The following PRKG1 variants were observed in gnomAD, a reference collection of about 807,000 sequenced individuals.
The protein encoded by PRKG1 is cGMP-dependent protein kinase 1.
A neutral mutation model predicts 88.1 loss-of-function variants in PRKG1; 35 were observed. The ratio of observed to expected loss-of-function variants is 0.40; its 90% CI spans 0.30 to 0.53. The LOEUF is 0.53. Among genes scored for constraint, PRKG1 ranks in the 20% least tolerant of loss-of-function variants. The probability of loss-of-function intolerance (pLI) is 0.59; values close to 1 mark genes in which losing one functional copy is unlikely to be tolerated. For synonymous variants in PRKG1, 303 were observed against 292.5 expected (o/e 1.04, Z -0.37); for missense variants, 540 against 839.8 (o/e 0.64, Z 4.41).
chr10:51,203,019 A>G (rs963821108), intron 2 of PRKG1, among the ~76,000 whole-genome samples: 2 of 152,140 alleles, frequency 1.3e-5, no homozygotes, highest in African/African-American at 4.8e-5. Context: ...AATGATGTCA[A>G]CGGGGTGAGA....
chr10:52,178,451 G>T (rs1295639553), intron 9 of PRKG1, among the ~76,000 whole-genome samples: 1 of 152,016 alleles, frequency 6.6e-6, no homozygotes, highest in Non-Finnish European at 1.5e-5. Flanking sequence ...ATATACTGAT[G>T]AAAAGAATAG....
At chr10:51,034,210 T>C (rs958102941) in intron 1 of PRKG1, among the ~76,000 whole-genome samples, 1 of 152,182 alleles carries the variant, frequency 6.6e-6, no homozygotes, top group Non-Finnish European at 1.5e-5. Flanking sequence ...TATACTTTAA[T>C]TGCTTTTTCA....
intron 3 of PRKG1, among the ~76,000 whole-genome samples, chr10:51,569,376 G>A (rs937053512): frequency 7.9e-5 from 12 of 152,014 alleles, no homozygotes; most frequent in African/African-American, 2.9e-4. Context: ...AAACATAGGA[G>A]AAAGGATGCT....
chr10:51,849,091 C>A (rs950095277), intron 4 of PRKG1, among the ~76,000 whole-genome samples: 1 of 152,070 alleles, frequency 6.6e-6, no homozygotes, highest in Non-Finnish European at 1.5e-5. Flanking sequence ...CTAAAAATAT[C>A]TATTTTCTGC....
At chr10:51,633,421 C>T (rs1033618897) in intron 3 of PRKG1, among the ~76,000 whole-genome samples, 1 of 151,828 alleles carries the variant, frequency 6.6e-6, no homozygotes, top group Non-Finnish European at 1.5e-5. Context: ...ATTGCAAACT[C>T]AAAAGCACAT....
In PRKG1 at chr10:52,293,814, A is replaced by G; in HGVS notation, c.1975A>G (p.Thr659Ala). The G allele has an allele frequency of 6.2e-7, 1 of 1,613,188 alleles. No homozygotes were observed. Among genetic ancestry groups the G allele is most frequent in the Non-Finnish European group, 8.5e-7 (1 of 1,179,298 alleles). Residue 659 changes from threonine to alanine, a missense_variant, in exon 18 of 18, where the codon ACA (threonine) becomes GCA (alanine). Physicochemically the swap from Thr to Ala is moderately conservative, Grantham distance 58. This residue lies in a region of PRKG1 where 97 missense variants were observed against 210.6 expected (regional missense o/e 0.46). Transcript: ENST00000373980. The part of the protein sequence containing the change: ...PPIIPSVASP[T>A]DTSNFDSFPE... Reference sequence around the variant, plus strand: ...CCATTTTTTACAGGTTGCATCACCCACAGACACAAGTAATTTTGACAGTTT... The same window carrying G: ...CCATTTTTTACAGGTTGCATCACCCGCAGACACAAGTAATTTTGACAGTTT...
rs79324419 is a variant in PRKG1, at chr10:51,171,995, A to G, written c.478+18665A>G. ...ATGTATCTTCATTACTAATGAAGAAAAAGTGTAGCATTTCAATTACCTTTT... is the reference window on the plus strand; with the variant it reads ...ATGTATCTTCATTACTAATGAAGAAGAAGTGTAGCATTTCAATTACCTTTT... On this transcript the variant is annotated intron_variant, in intron 2 of 17. Coordinates refer to ENST00000373980, the MANE Select transcript of PRKG1 (RefSeq NM_006258.4). Among the ~76,000 whole-genome samples the G allele has an allele frequency of 2.6e-5, 3 of 116,832 alleles. No individual in the cohort carries two copies. The East Asian group carries it at 7.5e-4, about 29-fold the overall frequency. The allele number at this position is 116,832 out of a possible 152,430, so 76.6% of individuals were successfully genotyped here. A position where few individuals can be genotyped will look rare whatever the true frequency, so the allele number is the denominator to read the frequency against.
chr10:52,181,378 T>C (rs1839020782), intron 9 of PRKG1, among the ~76,000 whole-genome samples: 1 of 150,758 alleles, frequency 6.6e-6, no homozygotes, highest in Non-Finnish European at 1.5e-5. Context: ...TGAGACTGGG[T>C]AATTTATAAT....
intron 3 of PRKG1, among the ~76,000 whole-genome samples, chr10:51,659,626 G>A (rs1047133275): frequency 6.6e-6 from 1 of 152,106 alleles, no homozygotes; most frequent in Non-Finnish European, 1.5e-5. Flanking sequence ...AGATGAAGCT[G>A]TAGCAGTGAA....
intron 3 of PRKG1, among the ~76,000 whole-genome samples, chr10:51,532,016 C>G (rs984732442): frequency 1.3e-5 from 2 of 151,928 alleles, no homozygotes; most frequent in Non-Finnish European, 2.9e-5. Context: ...AAAGAATGTA[C>G]TTTTACAAAA....
intron 7 of PRKG1, 69 bp from the exon 8 acceptor site, chr10:52,133,771 T>C: frequency 7.6e-7 from 1 of 1,313,880 alleles, no homozygotes; most frequent in Non-Finnish European, 1.1e-6. Flanking sequence ...TTTCCTGAAT[T>C]AATCACAATG....
At chr10:51,697,681 A>G (rs1327257425) in intron 3 of PRKG1, 1 of 1,612,116 alleles carries the variant, frequency 6.2e-7, no homozygotes, top group Non-Finnish European at 8.5e-7. Flanking sequence ...ACTACAGCCA[A>G]ATATTTTCTA....
At chr10:52,097,184 G>T (rs537945036) in intron 7 of PRKG1, among the ~76,000 whole-genome samples, 1 of 152,144 alleles carries the variant, frequency 6.6e-6, no homozygotes, top group African/African-American at 2.4e-5. Flanking sequence ...TCCCACTCTA[G>T]GCAGAAAATA....
intron 5 of PRKG1, among the ~76,000 whole-genome samples, chr10:52,039,947 A>G (rs1903999): frequency 0.88 from 134,251 of 152,158 alleles, 59,311 homozygotes; most frequent in East Asian, 1. Flanking sequence ...TCAGCTCTGA[A>G]CAAGACTACT....
At chr10:52,264,069 T>C (rs16913596) in intron 10 of PRKG1, among the ~76,000 whole-genome samples, 5,891 of 152,200 alleles carry the variant, frequency 0.039, 493 homozygotes, top group East Asian at 0.34. Flanking sequence ...GGCTTCTGTA[T>C]ACCCTGCTTC....
intron 3 of PRKG1, among the ~76,000 whole-genome samples, chr10:51,569,297 G>T (rs1837686705): frequency 6.6e-6 from 1 of 151,978 alleles, no homozygotes; most frequent in Non-Finnish European, 1.5e-5. Context: ...GTCAAAGGTT[G>T]CCTGACTAGG....
chr10:51,714,134 C>A (rs1841829601), intron 3 of PRKG1, among the ~76,000 whole-genome samples: 1 of 152,236 alleles, frequency 6.6e-6, no homozygotes, highest in East Asian at 1.9e-4. Flanking sequence ...CGCCCGCCAC[C>A]AAGCCCGGTT....
At chr10:51,038,448 C>G (rs1416465788) in intron 1 of PRKG1, among the ~76,000 whole-genome samples, 1 of 151,972 alleles carries the variant, frequency 6.6e-6, no homozygotes, top group Non-Finnish European at 1.5e-5. Context: ...ATTTTTGTAC[C>G]CATTAACCAT....
intron 5 of PRKG1, among the ~76,000 whole-genome samples, chr10:51,966,643 A>G (rs938835939): frequency 6.6e-6 from 1 of 152,126 alleles, no homozygotes; most frequent in African/African-American, 2.4e-5. Context: ...GTACAGCCCC[A>G]TGATTCACAG....
Sources: gnomAD v4.1 joint callset for allele counts (sites outside exome capture counted in the v4.1 genomes callset) on GRCh38, gnomAD v4.1.1 for gene constraint, gnomAD v4.1.1 regional missense constraint, MANE v1.5 for transcripts, NCBI Gene and HGNC (gene_info 2026-07-23, HGNC 2026-07-21) for gene names.